The following KMT2C variants were observed in gnomAD, a reference collection of about 807,000 sequenced individuals.
The protein encoded by KMT2C is histone-lysine N-methyltransferase 2C.
KMT2C carries 88 observed loss-of-function variants against 507.9 expected under a neutral mutation model. The ratio of observed to expected loss-of-function variants is 0.17; its 90% confidence interval spans 0.15 to 0.21. The LOEUF (loss-of-function observed/expected upper bound fraction) is 0.21. Among genes scored for constraint, KMT2C ranks in the 10% least tolerant of loss-of-function variants. The pLI is 1.00. For synonymous variants in KMT2C, 2,049 were observed against 2,080.8 expected (o/e 0.98, Z 0.42); for missense variants, 4,954 against 5,957.8 (o/e 0.83, Z 5.55).
At chr7:152,241,499 G>A (rs1425335063) in intron 14 of KMT2C, among the ~76,000 whole-genome samples, 11 of 152,354 alleles carry the variant, frequency 7.2e-5, no homozygotes, top group Admixed American at 5.2e-4. Context: ...CATGTCTGGC[G>A]TTTTCTAACC....
At chr7:152,351,001 G>A (rs1262525006) in intron 2 of KMT2C, among the ~76,000 whole-genome samples, 2 of 151,918 alleles carry the variant, frequency 1.3e-5, no homozygotes, top group Non-Finnish European at 2.9e-5. Context: ...AGGCCTACAC[G>A]AAGTCGGGAT....
At chr7:152,236,056 A>G in intron 15 of KMT2C, 123 bp from the exon 16 acceptor site, 2 of 596,422 alleles carry the variant, frequency 3.4e-6, no homozygotes, top group Admixed American at 3.3e-5. Flanking sequence ...GATAAGTATT[A>G]AGAGACCTGG....
intron 8 of KMT2C, among the ~76,000 whole-genome samples, chr7:152,264,825 T>A (rs2129173170): frequency 6.6e-6 from 1 of 150,926 alleles, no homozygotes; most frequent in East Asian, 1.9e-4. Context: ...TATATAAATG[T>A]TATTTATATT....
intron 9 of KMT2C, among the ~76,000 whole-genome samples, chr7:152,255,557 A>C (rs534835732): frequency 1.3e-5 from 2 of 152,298 alleles, no homozygotes; most frequent in East Asian, 3.9e-4. Flanking sequence ...ACAGAAAAAC[A>C]AATACACAAG....
intron 9 of KMT2C, among the ~76,000 whole-genome samples, chr7:152,258,061 C>A (rs534222281): frequency 6.6e-6 from 1 of 152,302 alleles, no homozygotes; most frequent in East Asian, 1.9e-4. Context: ...AGCAAACACC[C>A]TTCAGTAGCA....
chr7:152,316,393 CTCTAAG>C (rs1183340886), intron 3 of KMT2C, among the ~76,000 whole-genome samples: 5 of 152,086 alleles, frequency 3.3e-5, no homozygotes, highest in Admixed American at 2.6e-4. Flanking sequence ...CCTAAAAATG[CTCTAAG>C]TCTATTAATA....
intron 10 of KMT2C, 77 bp downstream of exon 10, chr7:152,252,469 C>T: frequency 8.6e-7 from 1 of 1,165,188 alleles, no homozygotes; most frequent in Non-Finnish European, 1.2e-6. Flanking sequence ...AACTTAGAAG[C>T]TGTAAGATGG....
Position 152,263,058 on chromosome 7 carries a change from T to G in KMT2C, c.1257A>C (p.Gln419His), listed in dbSNP as rs771508602. The G allele has an allele frequency of 6.2e-7, 1 of 1,612,950 alleles. No homozygotes were observed. The highest frequency in any genetic ancestry group is 1.1e-5 in the South Asian group (1 of 91,006). Residue 419 changes from glutamine (Q) to histidine (H), a missense_variant, in exon 9 of 59, where the codon CAA (glutamine) becomes CAC (histidine). By Grantham distance (24) the Gln-to-His change is conservative (BLOSUM62 0). Coordinates refer to ENST00000262189, the MANE Select transcript of KMT2C (RefSeq NM_170606.3). Reference sequence around the variant, plus strand: ...TGGTTGGTACTGATTTCATAACTGGTTGAAGACAAAAAGTATGATACCCTT... The same window carrying G: ...TGGTTGGTACTGATTTCATAACTGGGTGAAGACAAAAAGTATGATACCCTT... Reference protein sequence around the residue: ...CDKGYHTFCLQPVMKSVPTNG... With the variant: ...CDKGYHTFCLHPVMKSVPTNG...
intron 1 of KMT2C, among the ~76,000 whole-genome samples, chr7:152,408,029 C>T (rs2097638404): frequency 6.6e-6 from 1 of 152,300 alleles, no homozygotes; most frequent in East Asian, 1.9e-4. Flanking sequence ...GTGGCTCACG[C>T]CTGTAATCCC....
intron 48 of KMT2C, 59 bp from the exon 49 acceptor site, chr7:152,153,013 G>A (rs1005766848): frequency 2.2e-5 from 34 of 1,580,986 alleles, no homozygotes; most frequent in Non-Finnish European, 2.8e-5. Flanking sequence ...AACCACTGAA[G>A]AAAAATACAC....
intron 1 of KMT2C, chr7:152,367,750 T>C (rs1388904361): frequency 3.1e-5 from 34 of 1,087,428 alleles, no homozygotes; most frequent in Non-Finnish European, 4.7e-5. Flanking sequence ...ATCGATTACA[T>C]TGATAGTAAA....
chr7:152,162,838 T>G lies in KMT2C; in HGVS notation c.10739A>C (p.His3580Pro), dbSNP rs1208181715. The change falls in exon 43 of 59, where the codon CAC becomes CCC. Residue 3580 changes from histidine to proline, a missense_variant. Transcript: ENST00000262189. ...CGQDSTITHG[H>P]SYPGSTQSLI... is the part of the protein sequence containing the mutation. The stretch of plus-strand genomic sequence containing the variant: ...CGATTGGGTTGATCCCGGATAACTG[T>G]GTCCATGGGTTATAGTAGAATCTTG... 2 of 1,614,200 alleles carry G rather than the reference T, an allele frequency of 1.2e-6. No homozygotes were observed.
intron 23 of KMT2C, among the ~76,000 whole-genome samples, chr7:152,218,846 C>T (rs1588311853): frequency 6.6e-6 from 1 of 152,216 alleles, no homozygotes; most frequent in African/African-American, 2.4e-5. Context: ...ACATCGGCTT[C>T]CTCACTGTCT....
chr7:152,192,630 T>A (rs752656588), intron 31 of KMT2C, among the ~76,000 whole-genome samples: 15 of 152,040 alleles, frequency 9.9e-5, no homozygotes, highest in Non-Finnish European at 1.5e-4. Flanking sequence ...AAATCACATG[T>A]TTAGCCTAGC....
Position 152,194,273 on chromosome 7 carries a change from T to A in KMT2C, c.4508-12A>T, listed in dbSNP as rs28418446. 2,400 of 1,141,710 alleles carry A rather than the reference T, an allele frequency of 2.1e-3. 33 individuals are homozygous for A. The African/African-American group carries it at 0.036, about 17-fold the overall frequency. 70.7% of individuals were successfully genotyped at this position (1,141,710 alleles called of 1,614,324 possible). ...TCCAAGAATTGCTCCTAGAATAAATTAAAAAAAAAAAAGAAACATTAACAG... is the reference window on the plus strand; with the variant it reads ...TCCAAGAATTGCTCCTAGAATAAATAAAAAAAAAAAAAGAAACATTAACAG... On this transcript the variant is annotated splice_polypyrimidine_tract_variant and intron_variant, in intron 29 of 58. Transcript: ENST00000262189.
At position 152,370,395 on chromosome 7, in the gene KMT2C, C is replaced by T. The variant is rs375387545; in HGVS notation, c.162-11720G>A. ...ATGAAATTTTCTGAAATAACAATCT[C>T]CAGGCCCAGGTGCTTTCACTAACTA... On this transcript the variant is annotated intron_variant, in intron 1 of 58. Coordinates refer to ENST00000262189, the MANE Select transcript of KMT2C (RefSeq NM_170606.3). 4.6e-5 allele frequency among the ~76,000 whole-genome samples: 7 copies of T among 152,248 alleles called. No individual in the cohort carries two copies. In the East Asian group the frequency reaches 9.7e-4, roughly 21 times the overall value.
chr7:152,212,693 T>G (rs1251311144), intron 23 of KMT2C, among the ~76,000 whole-genome samples: 1 of 152,118 alleles, frequency 6.6e-6, no homozygotes, highest in Non-Finnish European at 1.5e-5. Context: ...ACAAATTTAA[T>G]GAAGGAAGTG....
At chr7:152,299,036 T>A (rs1460635199) in intron 6 of KMT2C, among the ~76,000 whole-genome samples, 1 of 152,096 alleles carries the variant, frequency 6.6e-6, no homozygotes, top group Non-Finnish European at 1.5e-5. Context: ...ATAAATAATG[T>A]AGGCTGGGCA....
intron 3 of KMT2C, among the ~76,000 whole-genome samples, chr7:152,323,626 G>A (rs1263663593): frequency 6.9e-6 from 1 of 145,760 alleles, no homozygotes. Context: ...GCAACAGAGT[G>A]ACACCCTTTC....
Sources: gnomAD v4.1 joint callset for allele counts (sites outside exome capture counted in the v4.1 genomes callset) on GRCh38, gnomAD v4.1.1 for gene constraint, MANE v1.5 for transcripts, NCBI Gene and HGNC (gene_info 2026-07-23, HGNC 2026-07-21) for gene names.